CFAP206: variants seen among roughly 807,000 people sequenced by gnomAD.
The protein encoded by CFAP206 is cilia- and flagella-associated protein 206.
CFAP206 carries 53 observed loss-of-function variants against 65.4 expected under a neutral mutation model. That is an observed-to-expected ratio of 0.81 (90% CI 0.65 to 1.02). The LOEUF is 1.02. Among genes scored for constraint, CFAP206 ranks in the 50% least tolerant of loss-of-function variants. CFAP206 has a pLI of 0.00. For missense variants in CFAP206, 663 were observed against 753.2 expected (o/e 0.88, Z 1.40); for synonymous variants, 250 against 254.4 (o/e 0.98, Z 0.17).
intron 11 of CFAP206, among the ~76,000 whole-genome samples, chr6:87,446,099 T>A (rs1449352288): frequency 1.3e-5 from 2 of 152,260 alleles, no homozygotes; most frequent in Admixed American, 6.5e-5. Context: ...ATTCTAGATA[T>A]CAGACCTTTA....
chr6:87,441,819 AAG>A, intron 11 of CFAP206: 2 of 270,814 alleles, frequency 7.4e-6, no homozygotes, highest in South Asian at 8.9e-5. Flanking sequence ...TCAGGCGAAT[AAG>A]AGAAGCTTTT....
chr6:87,461,905 GA>G (rs1768756940), intron 12 of CFAP206, among the ~76,000 whole-genome samples: 2 of 152,162 alleles, frequency 1.3e-5, no homozygotes, highest in Non-Finnish European at 2.9e-5. Context: ...AGGGGAGTGG[GA>G]AAGCTTTATA....
chr6:87,416,507 G>A (rs1192091037), intron 5 of CFAP206, among the ~76,000 whole-genome samples, 162 bp from the exon 6 acceptor site: 1 of 152,148 alleles, frequency 6.6e-6, no homozygotes, highest in Non-Finnish European at 1.5e-5. Flanking sequence ...TTTGATGCGT[G>A]ATAAGTTTTA....
At chr6:87,435,305 T>C in intron 11 of CFAP206, 1 of 303,500 alleles carries the variant, frequency 3.3e-6, no homozygotes, top group South Asian at 4.8e-5. Flanking sequence ...CTTCATTGAC[T>C]TATAAATAAT....
At chr6:87,411,321 T>C (rs1403853924) in intron 3 of CFAP206, among the ~76,000 whole-genome samples, 1 of 152,222 alleles carries the variant, frequency 6.6e-6, no homozygotes, top group Non-Finnish European at 1.5e-5. Context: ...TTTTTGGCGA[T>C]TTGTATGTCT....
intron 5 of CFAP206, among the ~76,000 whole-genome samples, chr6:87,416,163 A>C (rs1455557972): frequency 6.6e-6 from 1 of 152,168 alleles, no homozygotes; most frequent in Non-Finnish European, 1.5e-5. Flanking sequence ...AGTAGGATTG[A>C]GGGTACCAGG....
rs191041151 is a variant in CFAP206 at position 87,424,340 on chromosome 6, C to A, written c.841-2186C>A. 3.0e-3 allele frequency among the ~76,000 whole-genome samples: 456 copies of A among 152,200 alleles called. 2 individuals carry two copies. Among genetic ancestry groups the A allele is most frequent in the African/African-American group, 0.011 (441 of 41,524 alleles). On this transcript the variant is annotated intron_variant, in intron 7 of 12. Coordinates refer to ENST00000369562, the MANE Select transcript of CFAP206 (RefSeq NM_001031743.3). ...TGTTGCCCAAGCTGGAGTGCAGTGG[C>A]TCGATCTTGGCTCACTGCAACCTCC... is the stretch of plus-strand genomic sequence containing the variant.
At chr6:87,452,109 C>T (rs1463929170) in intron 11 of CFAP206, among the ~76,000 whole-genome samples, 1 of 152,168 alleles carries the variant, frequency 6.6e-6, no homozygotes, top group Non-Finnish European at 1.5e-5. Flanking sequence ...CCAGTTGGCG[C>T]AACATGGGGA....
intron 11 of CFAP206, among the ~76,000 whole-genome samples, chr6:87,446,540 G>T (rs1768444116): frequency 6.6e-6 from 1 of 152,100 alleles, no homozygotes; most frequent in Non-Finnish European, 1.5e-5. Context: ...TCTCTATTCT[G>T]TTCCATCGGT....
intron 7 of CFAP206, among the ~76,000 whole-genome samples, chr6:87,421,314 C>T (rs957810712): frequency 5.9e-5 from 9 of 152,146 alleles, no homozygotes; most frequent in African/African-American, 2.2e-4. Context: ...GGTGAAACCC[C>T]GTCTCTACTA....
intron 11 of CFAP206, among the ~76,000 whole-genome samples, chr6:87,455,168 C>CA (rs1768618176): frequency 6.6e-6 from 1 of 152,054 alleles, no homozygotes; most frequent in African/African-American, 2.4e-5. Flanking sequence ...GTGATCCACC[C>CA]ACTTCGGCCT....
At chr6:87,460,612 A>G (rs909480431) in intron 11 of CFAP206, among the ~76,000 whole-genome samples, 3 of 152,130 alleles carry the variant, frequency 2.0e-5, no homozygotes, top group African/African-American at 7.2e-5. Context: ...ACCAGTAGAC[A>G]CTGGAGACTG....
At chr6:87,425,436 A>T (rs1768023268) in intron 7 of CFAP206, among the ~76,000 whole-genome samples, 1 of 152,216 alleles carries the variant, frequency 6.6e-6, no homozygotes, top group Admixed American at 6.5e-5. Context: ...TTGCATAATA[A>T]ATAGCTACAG....
intron 7 of CFAP206, among the ~76,000 whole-genome samples, chr6:87,422,200 G>A (rs933503535): frequency 9.9e-5 from 15 of 152,120 alleles, no homozygotes; most frequent in African/African-American, 3.6e-4. Context: ...TGTAATCCCA[G>A]CACTTTGGGA....
chr6:87,458,132 C>A (rs1338964349), intron 11 of CFAP206, among the ~76,000 whole-genome samples: 1 of 152,120 alleles, frequency 6.6e-6, no homozygotes, highest in Non-Finnish European at 1.5e-5. Flanking sequence ...TATCATCCCA[C>A]CCCAGTTAAA....
intron 9 of CFAP206, among the ~76,000 whole-genome samples, chr6:87,430,438 A>G (rs992272545): frequency 3.3e-5 from 5 of 152,212 alleles, no homozygotes; most frequent in African/African-American, 9.7e-5. Flanking sequence ...TTAAAAATAT[A>G]AAGAACAAAA....
intron 11 of CFAP206, among the ~76,000 whole-genome samples, chr6:87,450,539 C>T: frequency 7.3e-6 from 1 of 136,636 alleles, no homozygotes; most frequent in Admixed American, 7.9e-5. Flanking sequence ...GATATAGCCA[C>T]TTACCACAAA....
At position 87,447,160 on chromosome 6, in the gene CFAP206, TC is replaced by T. The variant is rs1286955289; in HGVS notation, c.1494+12108del. ...TGGAAACAGACAGTTTTACTTCTTC[TC>T]TATTTGAATATCCTTTATTTCTTTC... is the stretch of plus-strand genomic sequence containing the variant. On this transcript the variant is annotated intron_variant, in intron 11 of 12. Coordinates refer to ENST00000369562, the MANE Select transcript of CFAP206 (RefSeq NM_001031743.3). 2.0e-5 allele frequency among the ~76,000 whole-genome samples: 3 copies of T among 152,012 alleles called. No homozygotes were observed. The South Asian group carries it at 6.2e-4, about 32-fold the overall frequency.
chr6:87,456,605 AT>A (rs1188250624), intron 11 of CFAP206, among the ~76,000 whole-genome samples: 1 of 152,218 alleles, frequency 6.6e-6, no homozygotes, highest in Non-Finnish European at 1.5e-5. Context: ...ATGATCTTAC[AT>A]TTGGAAAAAT....
Sources: allele counts gnomAD v4.1 joint callset (sites outside exome capture counted in the v4.1 genomes callset), GRCh38; gene constraint gnomAD v4.1.1; transcripts MANE v1.5; gene names NCBI Gene and HGNC (gene_info 2026-07-23, HGNC 2026-07-21).